ADGRL3: variants seen among roughly 807,000 people sequenced by gnomAD.
The protein encoded by ADGRL3 is calcium-independent alpha-latrotoxin receptor 3.
A neutral mutation model predicts 153.5 loss-of-function variants in ADGRL3; 62 were observed. That is an observed-to-expected ratio of 0.40 (90% CI 0.33 to 0.50). The LOEUF is 0.50. Among genes scored for constraint, ADGRL3 ranks in the 20% least tolerant of loss-of-function variants. ADGRL3 has a pLI of 0.47. For synonymous variants in ADGRL3, 710 were observed against 672.5 expected, an observed-to-expected ratio of 1.06 and a Z score of -0.86; for missense variants, 1,641 against 1,859.4, an observed-to-expected ratio of 0.88 and a Z score of 2.16.
chr4:61,909,759 TTATGTG>T lies in ADGRL3; in HGVS notation c.2073+16_2073+21del, dbSNP rs1560361388. ...AGTTTGAACAAGGTAAGGACCCTAATTATGTGTGTGTGTGTGTGTGTGTGTGTGTGT... is the reference window on the plus strand; with the variant it reads ...AGTTTGAACAAGGTAAGGACCCTAATTGTGTGTGTGTGTGTGTGTGTGTGT... On this transcript the variant is annotated intron_variant, in intron 12 of 26. Coordinates refer to ENST00000683033, the MANE Select transcript of ADGRL3 (RefSeq NM_001387552.1). The T allele has an allele frequency of 1.9e-6, 2 of 1,073,456 alleles. No homozygotes were observed. Among genetic ancestry groups the T allele is most frequent in the Admixed American group, 3.1e-5 (1 of 31,822 alleles). 66.5% of individuals were successfully genotyped at this position (1,073,456 alleles called of 1,614,324 possible). A position where few individuals can be genotyped will look rare whatever the true frequency, so the allele number is the denominator to read the frequency against.
At chr4:61,458,615 A>C (rs1271501219) in intron 2 of ADGRL3, among the ~76,000 whole-genome samples, 1 of 151,646 alleles carries the variant, frequency 6.6e-6, no homozygotes, top group Non-Finnish European at 1.5e-5. Flanking sequence ...ATATCAACTT[A>C]TTGTAACTCT....
chr4:61,559,535 C>T (rs1560840058), intron 4 of ADGRL3, among the ~76,000 whole-genome samples: 1 of 152,108 alleles, frequency 6.6e-6, no homozygotes. Flanking sequence ...TCCTTGTGCA[C>T]TAATAGTCAG....
At chr4:61,753,829 C>A (rs2096786655) in intron 8 of ADGRL3, among the ~76,000 whole-genome samples, 1 of 152,118 alleles carries the variant, frequency 6.6e-6, no homozygotes, top group South Asian at 2.1e-4. Flanking sequence ...ATGTACTTGA[C>A]CACATAGGTC....
At chr4:61,607,795 A>G (rs1184116165) in intron 5 of ADGRL3, among the ~76,000 whole-genome samples, 2 of 152,180 alleles carry the variant, frequency 1.3e-5, no homozygotes, top group African/African-American at 4.8e-5. Context: ...TTAAAGAGGC[A>G]GTTTCAGCCC....
intron 4 of ADGRL3, among the ~76,000 whole-genome samples, chr4:61,582,695 CAG>C (rs2098931025): frequency 6.6e-6 from 1 of 151,396 alleles, no homozygotes; most frequent in African/African-American, 2.4e-5. Flanking sequence ...CAGGGAGAGA[CAG>C]AGAAATGTTT....
In ADGRL3 at chr4:61,200,500, G is replaced by GAC. The variant is rs1267456016; in HGVS notation, c.-1505_-1504insAC. On this transcript the variant is annotated 5_prime_UTR_variant, in exon 1 of 27. It removes the in-frame stop codon of an upstream open reading frame in the 5' UTR. Coordinates refer to ENST00000683033, the MANE Select transcript of ADGRL3 (RefSeq NM_001387552.1). ...GCAGATGCTGCAGCTGGTCGGGGTG[G>GAC]GCGCCGCCGCCGCCGCCGCCGCCGC... Among the ~76,000 whole-genome samples, 5 of 147,234 alleles carry GAC rather than the reference G, an allele frequency of 3.4e-5. No individual in the cohort carries two copies. The highest frequency in any genetic ancestry group is 1.2e-4 in the African/African-American group (5 of 40,456).
intron 1 of ADGRL3, among the ~76,000 whole-genome samples, chr4:61,234,989 G>A (rs1752269917): frequency 6.6e-6 from 1 of 152,104 alleles, no homozygotes; most frequent in South Asian, 2.1e-4. Flanking sequence ...AGCCAGAAGT[G>A]AAAACATGAG....
chr4:61,790,908 T>G (rs561602387), intron 8 of ADGRL3, among the ~76,000 whole-genome samples: 21 of 152,276 alleles, frequency 1.4e-4, no homozygotes, highest in African/African-American at 5.1e-4. Context: ...TCAGATCTCA[T>G]GAGACTTAGT....
At chr4:61,656,020 C>T (rs914685703) in intron 5 of ADGRL3, among the ~76,000 whole-genome samples, 4 of 152,078 alleles carry the variant, frequency 2.6e-5, no homozygotes, top group Middle Eastern at 3.2e-3. Context: ...TTCTCTGTTA[C>T]GTTTTCCCCA....
chr4:61,205,936 TCTA>T (rs1343014705), intron 1 of ADGRL3, among the ~76,000 whole-genome samples: 2 of 152,174 alleles, frequency 1.3e-5, no homozygotes, highest in Non-Finnish European at 2.9e-5. Context: ...TAAAATTAAT[TCTA>T]CTGCTGCATA....
chr4:61,416,792 T>C (rs961299307), intron 2 of ADGRL3, among the ~76,000 whole-genome samples: 6 of 152,196 alleles, frequency 3.9e-5, no homozygotes, highest in Non-Finnish European at 7.4e-5. Context: ...TGGATGGTTT[T>C]AGGATGATTC....
intron 21 of ADGRL3, among the ~76,000 whole-genome samples, chr4:62,007,474 A>G (rs1202800694): frequency 7.9e-5 from 11 of 138,688 alleles, no homozygotes; most frequent in South Asian, 2.2e-4. Flanking sequence ...GTGTGTGTAT[A>G]TATATATATA....
rs1580722380 is a variant in ADGRL3, at chr4:61,767,150, T to TG, written c.1399+33596_1399+33597insG. Among the ~76,000 whole-genome samples the TG allele has an allele frequency of 5.9e-5, 9 of 151,380 alleles. No homozygotes were observed. In the East Asian group the frequency reaches 1.6e-3, roughly 26 times the overall value. On this transcript the variant is annotated intron_variant, in intron 8 of 26. Transcript: ENST00000683033. ...GGTATCTTATACTTGTGGGTTAAGG[T>TG]TGGGGGATACAAGAGGAGGACCCAA...
chr4:61,437,436 T>G (rs2097462260), intron 2 of ADGRL3, among the ~76,000 whole-genome samples: 1 of 152,124 alleles, frequency 6.6e-6, no homozygotes. Flanking sequence ...ATTGGGCCCC[T>G]CCCATTTTCG....
chr4:61,631,197 C>T (rs939218439), intron 5 of ADGRL3, among the ~76,000 whole-genome samples: 1 of 152,080 alleles, frequency 6.6e-6, no homozygotes, highest in Non-Finnish European at 1.5e-5. Context: ...GTGACATCTC[C>T]GTAATCCTGA....
chr4:61,678,772 G>A (rs1160982843), intron 6 of ADGRL3, among the ~76,000 whole-genome samples: 1 of 151,744 alleles, frequency 6.6e-6, no homozygotes, highest in African/African-American at 2.4e-5. Flanking sequence ...TTTATACACT[G>A]GTTTAATTTA....
At chr4:61,971,038 G>C (rs1298834018) in intron 17 of ADGRL3, among the ~76,000 whole-genome samples, 1 of 151,690 alleles carries the variant, frequency 6.6e-6, no homozygotes, top group East Asian at 1.9e-4. Context: ...TTAGTAGTAA[G>C]GTAAACACTC....
intron 9 of ADGRL3, among the ~76,000 whole-genome samples, chr4:61,881,459 A>C (rs1581273383): frequency 6.6e-6 from 1 of 152,040 alleles, no homozygotes; most frequent in African/African-American, 2.4e-5. Context: ...GCTCACTGCA[A>C]CCTCCGCCTC....
rs763531793 is a variant in ADGRL3 at position 61,732,902 on chromosome 4, C to A, written c.747C>A (p.Thr249=). 14 of 1,613,454 alleles carry A rather than the reference C, an allele frequency of 8.7e-6. No homozygotes were observed. Among genetic ancestry groups the A allele is most frequent in the Non-Finnish European group, 1.1e-5 (13 of 1,179,792 alleles). ...YMPWTPYRTD[T]LTEYSSKDDF... ...CCTGGACTCCCTACAGAACTGATAC[C>A]CTGACTGAGTATTCATCCAAGGATG... Residue 249 remains threonine (T), a synonymous_variant, in exon 8 of 27, where the codon ACC becomes ACA. Transcript: ENST00000683033.
Sources: allele counts gnomAD v4.1 joint callset (sites outside exome capture counted in the v4.1 genomes callset), GRCh38; gene constraint gnomAD v4.1.1; transcripts MANE v1.5; gene names NCBI Gene and HGNC (gene_info 2026-07-23, HGNC 2026-07-21).